Variants in WWOX observed in about 807,000 individuals in gnomAD.
WWOX encodes WW domain containing oxidoreductase.
A neutral mutation model predicts 46.2 loss-of-function variants in WWOX; 69 were observed. That is an observed-to-expected ratio of 1.49 (90% CI 1.23 to 1.82). The LOEUF (loss-of-function observed/expected upper bound fraction) is 1.82, where lower values mean the gene tolerates loss of function less well. WWOX is among the 40% of genes most tolerant of loss of function. The probability of loss-of-function intolerance (pLI) is 0.00; values close to 1 mark genes in which losing one functional copy is unlikely to be tolerated. For synonymous variants in WWOX, 359 were observed against 202.6 expected, an observed-to-expected ratio of 1.77 and a Z score of -6.56; for missense variants, 919 against 542.6, an observed-to-expected ratio of 1.69 and a Z score of -6.89.
Position 78,594,554 on chromosome 16 carries a change from C to G in WWOX, c.1056+161802C>G, listed in dbSNP as rs757278203. The stretch of plus-strand genomic sequence containing the variant: ...CATGAAAAGTCTCAATCACCTGGCT[C>G]AAACTCATAGTTTTCAGGTGGCATA... On this transcript the variant is annotated intron_variant, in intron 8 of 8. Transcript: ENST00000566780. Among the ~76,000 whole-genome samples the G allele has an allele frequency of 2.7e-5, 4 of 150,860 alleles. No individual in the cohort carries two copies. The South Asian group carries it at 6.3e-4, about 24-fold the overall frequency.
intron 8 of WWOX, among the ~76,000 whole-genome samples, chr16:78,529,271 A>G (rs1174821256): frequency 6.6e-6 from 1 of 152,068 alleles, no homozygotes; most frequent in Non-Finnish European, 1.5e-5. Context: ...TTTCTATTAT[A>G]TAGATTTTAA....
At chr16:78,667,517 A>G (rs577515818) in intron 8 of WWOX, among the ~76,000 whole-genome samples, 3 of 152,028 alleles carry the variant, frequency 2.0e-5, no homozygotes, top group Admixed American at 2.0e-4. Flanking sequence ...AAAAAGTACA[A>G]AAAATTAGCC....
chr16:79,040,429 A>G (rs374801303), intron 8 of WWOX, among the ~76,000 whole-genome samples: 2 of 152,058 alleles, frequency 1.3e-5, no homozygotes, highest in East Asian at 3.9e-4. Context: ...ATGCACCACC[A>G]TGGCCAGATA....
intron 8 of WWOX, among the ~76,000 whole-genome samples, chr16:78,596,573 T>G (rs952469500): frequency 6.6e-6 from 1 of 151,934 alleles, no homozygotes; most frequent in Non-Finnish European, 1.5e-5. Context: ...ACAGGACAGG[T>G]GTGCAAGGAC....
intron 8 of WWOX, among the ~76,000 whole-genome samples, chr16:78,850,312 C>T (rs560872051): frequency 9.2e-5 from 14 of 152,186 alleles, no homozygotes; most frequent in African/African-American, 3.1e-4. Context: ...GTTTTTTCGC[C>T]TCCATAATAT....
At chr16:78,843,070 C>T (rs1298954093) in intron 8 of WWOX, among the ~76,000 whole-genome samples, 1 of 149,862 alleles carries the variant, frequency 6.7e-6, no homozygotes, top group Admixed American at 6.7e-5. Flanking sequence ...TGGGTCTTTG[C>T]TTTTGGCAAT....
intron 8 of WWOX, among the ~76,000 whole-genome samples, chr16:78,913,284 G>A (rs1567644652): frequency 1.3e-5 from 2 of 152,080 alleles, no homozygotes; most frequent in South Asian, 2.1e-4. Flanking sequence ...CAGCAAGCCC[G>A]TTTTTTGCCT....
At chr16:78,585,915 T>G (rs1287179912) in intron 8 of WWOX, among the ~76,000 whole-genome samples, 1 of 152,008 alleles carries the variant, frequency 6.6e-6, no homozygotes, top group African/African-American at 2.4e-5. Context: ...AGAGGTTTGG[T>G]GATCAGCGTG....
intron 8 of WWOX, among the ~76,000 whole-genome samples, chr16:78,640,912 C>G (rs1244688929): frequency 1.4e-5 from 2 of 140,652 alleles, no homozygotes; most frequent in Non-Finnish European, 1.5e-5. Context: ...GCACTCCAGT[C>G]TGGGTGACAG....
intron 8 of WWOX, among the ~76,000 whole-genome samples, chr16:78,784,321 G>C (rs1211973454): frequency 6.6e-6 from 1 of 152,100 alleles, no homozygotes; most frequent in African/African-American, 2.4e-5. Context: ...GACTCCTTTT[G>C]TGACCCTGAT....
chr16:78,163,262 A>G (rs935908042), intron 4 of WWOX, among the ~76,000 whole-genome samples: 9 of 152,216 alleles, frequency 5.9e-5, no homozygotes, highest in Admixed American at 1.3e-4. Flanking sequence ...TGGAAATTGG[A>G]TAGATAGGGA....
intron 8 of WWOX, among the ~76,000 whole-genome samples, chr16:78,591,246 CTTGGG>C (rs2045343979): frequency 6.6e-6 from 1 of 152,182 alleles, no homozygotes; most frequent in South Asian, 2.1e-4. Flanking sequence ...ATATGTACCT[CTTGGG>C]AACAAGGGAA....
At chr16:78,429,393 C>T (rs550571184) in intron 7 of WWOX, among the ~76,000 whole-genome samples, 5 of 152,320 alleles carry the variant, frequency 3.3e-5, no homozygotes, top group African/African-American at 1.2e-4. Flanking sequence ...CTTTCATTCT[C>T]TCCCTGACTT....
chr16:78,108,171 T>TC (rs779271914), intron 1 of WWOX, among the ~76,000 whole-genome samples: 1 of 150,840 alleles, frequency 6.6e-6, no homozygotes, highest in African/African-American at 2.4e-5. Context: ...TGTGATCTGC[T>TC]CCCCTAGGGC....
chr16:79,102,061 AG>A (rs1166708955), intron 8 of WWOX, among the ~76,000 whole-genome samples: 15 of 7,454 alleles, frequency 2.0e-3, no homozygotes, highest in African/African-American at 5.0e-3. Flanking sequence ...AGTAGGGGGG[AG>A]GGGGGGAGGG....
chr16:78,498,424 A>G (rs2084973778), intron 8 of WWOX, among the ~76,000 whole-genome samples: 1 of 152,140 alleles, frequency 6.6e-6, no homozygotes, highest in Non-Finnish European at 1.5e-5. Flanking sequence ...GTTTTCAGGA[A>G]GAGCCCCTTT....
chr16:78,533,125 C>A (rs1418036781), intron 8 of WWOX, among the ~76,000 whole-genome samples: 1 of 152,064 alleles, frequency 6.6e-6, no homozygotes, highest in African/African-American at 2.4e-5. Flanking sequence ...CAGTGCCTCT[C>A]AATGGCTAAA....
chr16:78,663,030 C>T (rs1379414443), intron 8 of WWOX, among the ~76,000 whole-genome samples: 4 of 152,038 alleles, frequency 2.6e-5, no homozygotes, highest in Non-Finnish European at 5.9e-5. Context: ...CAATAGTCTC[C>T]CTTTAAAGTG....
At chr16:79,072,730 C>G (rs985675632) in intron 8 of WWOX, among the ~76,000 whole-genome samples, 15 of 152,222 alleles carry the variant, frequency 9.9e-5, no homozygotes, top group African/African-American at 2.9e-4. Flanking sequence ...CTCTTCTTTT[C>G]TCTTAAATCT....
Sources: allele counts gnomAD v4.1 joint callset (sites outside exome capture counted in the v4.1 genomes callset), GRCh38; gene constraint gnomAD v4.1.1; transcripts MANE v1.5; gene names NCBI Gene and HGNC (gene_info 2026-07-23, HGNC 2026-07-21).